AGBL4: variants seen among roughly 807,000 people sequenced by gnomAD.
AGBL4 encodes the protein cytosolic carboxypeptidase 6.
AGBL4 carries 58 observed loss-of-function variants against 66.4 expected under a neutral mutation model. The observed-to-expected ratio is 0.87, with a 90% confidence interval of 0.71 to 1.09. The LOEUF is 1.09. Ranked by LOEUF, AGBL4 falls within the 50% of genes least tolerant of loss-of-function variation. AGBL4 has a pLI of 0.00. For missense variants in AGBL4, 579 were observed against 631.0 expected (o/e 0.92, Z 0.88); for synonymous variants, 234 against 222.9 (o/e 1.05, Z -0.44).
intron 1 of AGBL4, among the ~76,000 whole-genome samples, chr1:50,013,206 G>A (rs567855855): frequency 6.6e-6 from 1 of 152,214 alleles, no homozygotes; most frequent in Admixed American, 6.5e-5. Context: ...TGAATTTAAA[G>A]GAAGAAATAG....
intron 5 of AGBL4, among the ~76,000 whole-genome samples, chr1:49,003,002 T>C (rs778649054): frequency 2.6e-5 from 4 of 152,198 alleles, no homozygotes. Context: ...AGCAAGGTCA[T>C]TTTCTGAATA....
At chr1:49,400,081 T>C (rs1246534969) in intron 3 of AGBL4, among the ~76,000 whole-genome samples, 1 of 152,152 alleles carries the variant, frequency 6.6e-6, no homozygotes, top group Non-Finnish European at 1.5e-5. Flanking sequence ...GAGATTCTAG[T>C]TTCATTCTTC....
intron 3 of AGBL4, among the ~76,000 whole-genome samples, chr1:49,330,197 A>T (rs1645305584): frequency 6.6e-6 from 1 of 152,200 alleles, no homozygotes; most frequent in Non-Finnish European, 1.5e-5. Flanking sequence ...TGGGCAGATC[A>T]CCTGAGGTCA....
intron 9 of AGBL4, among the ~76,000 whole-genome samples, chr1:48,607,277 G>C (rs545134624): frequency 5.9e-5 from 9 of 152,086 alleles, no homozygotes; most frequent in Non-Finnish European, 1.3e-4. Context: ...GTGCTCAACA[G>C]CCACTGTGAT....
intron 3 of AGBL4, among the ~76,000 whole-genome samples, chr1:49,345,969 C>T (rs1645626161): frequency 6.6e-6 from 1 of 152,230 alleles, no homozygotes; most frequent in Non-Finnish European, 1.5e-5. Flanking sequence ...ATAAAAGACC[C>T]TTGGGCTGAG....
At position 48,748,720 on chromosome 1, in the gene AGBL4, G is replaced by C. The variant is rs576775165; in HGVS notation, c.635-85479C>G. Among the ~76,000 whole-genome samples the C allele has an allele frequency of 9.2e-5, 14 of 152,198 alleles. No homozygotes were observed. The South Asian group carries it at 2.5e-3, about 27-fold the overall frequency. On this transcript the variant is annotated intron_variant, in intron 6 of 13. Coordinates refer to ENST00000371839, the MANE Select transcript of AGBL4 (RefSeq NM_032785.4). ...ATCTGCATGAATTTGGGGAGGGGGA[G>C]ATCACTGCCGGTTAAGGGATCCTAG...
intron 5 of AGBL4, among the ~76,000 whole-genome samples, chr1:48,921,709 G>A (rs1654094709): frequency 6.6e-6 from 1 of 152,126 alleles, no homozygotes; most frequent in Non-Finnish European, 1.5e-5. Context: ...TTTTATAGAG[G>A]AGCAGATGGA....
chr1:49,900,215 C>CTGT (rs143521800), intron 1 of AGBL4, among the ~76,000 whole-genome samples: 3,011 of 151,938 alleles, frequency 0.02, 115 homozygotes, highest in African/African-American at 0.069. Flanking sequence ...AGGGTTTTTT[C>CTGT]TGTTGTTGTT....
rs180788819 is a variant in AGBL4, at chr1:49,443,533, C to T, written c.283-197669G>A. 1.5e-3 allele frequency among the ~76,000 whole-genome samples: 227 copies of T among 152,000 alleles called. 2 individuals are homozygous for T. Among genetic ancestry groups the T allele is most frequent in the Non-Finnish European group, 2.5e-3 (171 of 67,884 alleles). ...CTTATTGAAGAAGGTGTCCTTTCCC[C>T]ATTATAAGCTCTTGTGTTTTGTCAT... is the stretch of plus-strand genomic sequence containing the variant. On this transcript the variant is annotated intron_variant, in intron 3 of 13. Transcript: ENST00000371839.
chr1:49,065,090 C>T (rs1417485130), intron 4 of AGBL4, among the ~76,000 whole-genome samples: 1 of 152,164 alleles, frequency 6.6e-6, no homozygotes, highest in Non-Finnish European at 1.5e-5. Flanking sequence ...GTAACTCAGA[C>T]ATTCAATTGC....
chr1:49,308,921 C>A (rs1644897111), intron 3 of AGBL4, among the ~76,000 whole-genome samples: 1 of 152,154 alleles, frequency 6.6e-6, no homozygotes, highest in Non-Finnish European at 1.5e-5. Context: ...AGACAGATTG[C>A]ATCCAGGTTA....
chr1:49,471,018 T>C (rs1164597181), intron 3 of AGBL4, among the ~76,000 whole-genome samples: 4 of 152,210 alleles, frequency 2.6e-5, no homozygotes, highest in East Asian at 1.9e-4. Flanking sequence ...TTAGCTTTTA[T>C]AGATGCTCTG....
chr1:48,524,450 G>A, the AGBL4 span, among the ~76,000 whole-genome samples: 3 of 152,196 alleles, frequency 2.0e-5, no homozygotes, highest in African/African-American at 7.2e-5. Flanking sequence ...TGGCTTGGCT[G>A]AATCAGCCAG....
At chr1:49,329,669 C>G (rs1035325261) in intron 3 of AGBL4, among the ~76,000 whole-genome samples, 1 of 151,592 alleles carries the variant, frequency 6.6e-6, no homozygotes, top group Non-Finnish European at 1.5e-5. Flanking sequence ...CCCCGCCCCC[C>G]GCCAAAAAAA....
At chr1:49,733,987 A>G (rs921784529) in intron 2 of AGBL4, among the ~76,000 whole-genome samples, 4 of 152,190 alleles carry the variant, frequency 2.6e-5, no homozygotes, top group Non-Finnish European at 5.9e-5. Context: ...ATATCCAAAA[A>G]TCAACTAATA....
chr1:49,497,929 A>T (rs1647759207), intron 3 of AGBL4, among the ~76,000 whole-genome samples: 1 of 152,036 alleles, frequency 6.6e-6, no homozygotes, highest in Non-Finnish European at 1.5e-5. Flanking sequence ...TAGAATTTTT[A>T]TATAAACTAC....
At chr1:49,916,354 A>G (rs1651491546) in intron 1 of AGBL4, among the ~76,000 whole-genome samples, 1 of 152,122 alleles carries the variant, frequency 6.6e-6, no homozygotes, top group South Asian at 2.1e-4. Context: ...TAGATGAATG[A>G]CTAACTACAA....
chr1:49,968,596 T>C lies in AGBL4; in HGVS notation c.34+55167A>G, dbSNP rs2148357310. Among the ~76,000 whole-genome samples the C allele has an allele frequency of 1.3e-5, 2 of 152,328 alleles. 1 individual carries two copies. The highest frequency in any genetic ancestry group is 4.1e-4 in the South Asian group (2 of 4,830). The stretch of plus-strand genomic sequence containing the variant: ...GATAGCATGCCTACTAAAATATTTA[T>C]TTCCCAGCCTCTACTGCAGCTAAGT... On this transcript the variant is annotated intron_variant, in intron 1 of 13. Transcript: ENST00000371839.
chr1:49,102,133 T>C (rs1220939415), intron 4 of AGBL4, among the ~76,000 whole-genome samples: 4 of 152,086 alleles, frequency 2.6e-5, no homozygotes, highest in East Asian at 1.9e-4. Flanking sequence ...GGACACCTCA[T>C]TGGTCTCCTA....
Sources: allele counts gnomAD v4.1 joint callset (sites outside exome capture counted in the v4.1 genomes callset), GRCh38; gene constraint gnomAD v4.1.1; transcripts MANE v1.5; gene names NCBI Gene and HGNC (gene_info 2026-07-23, HGNC 2026-07-21).